Variants in TTLL11 observed in about 807,000 individuals in gnomAD.
TTLL11 encodes tubulin polyglutamylase TTLL11.
Under a neutral mutation model 51.7 loss-of-function variants are expected in TTLL11, and 42 were observed. The ratio of observed to expected loss-of-function variants is 0.81; its 90% CI spans 0.64 to 1.05. The LOEUF is 1.05. TTLL11 is among the 50% of genes least tolerant of loss of function. The probability of loss-of-function intolerance (pLI) is 0.00; values close to 1 mark genes in which losing one functional copy is unlikely to be tolerated. For synonymous variants in TTLL11, 381 were observed against 383.5 expected (o/e 0.99, Z 0.08); for missense variants, 799 against 940.4 (o/e 0.85, Z 1.97).
At chr9:121,972,388 G>C (rs1842601229) in intron 6 of TTLL11, among the ~76,000 whole-genome samples, 1 of 152,248 alleles carries the variant, frequency 6.6e-6, no homozygotes, top group African/African-American at 2.4e-5. Flanking sequence ...GGCAGCTGCA[G>C]ACACATACGT....
At chr9:121,839,175 T>A (rs1470792922) in intron 8 of TTLL11, among the ~76,000 whole-genome samples, 1 of 152,216 alleles carries the variant, frequency 6.6e-6, no homozygotes, top group Non-Finnish European at 1.5e-5. Context: ...ACAGAACGCA[T>A]CACAACGTCT....
chr9:121,927,910 G>A (rs1422632369), intron 6 of TTLL11, among the ~76,000 whole-genome samples: 3 of 152,148 alleles, frequency 2.0e-5, no homozygotes, highest in Non-Finnish European at 4.4e-5. Context: ...ATGTTATTTG[G>A]TTTGGATCTT....
At chr9:122,007,642 C>T (rs1037300928) in intron 3 of TTLL11, among the ~76,000 whole-genome samples, 16 of 152,024 alleles carry the variant, frequency 1.1e-4, no homozygotes, top group African/African-American at 3.9e-4. Flanking sequence ...TGCACACATA[C>T]ATAGATAGTT....
chr9:121,992,444 T>C (rs978022081), intron 3 of TTLL11, among the ~76,000 whole-genome samples: 1 of 152,244 alleles, frequency 6.6e-6, no homozygotes, highest in Non-Finnish European at 1.5e-5. Flanking sequence ...TCAGCAATTC[T>C]GATTTAATCG....
chr9:121,855,511 C>T (rs1203938448), intron 8 of TTLL11, among the ~76,000 whole-genome samples: 1 of 152,078 alleles, frequency 6.6e-6, no homozygotes, highest in Non-Finnish European at 1.5e-5. Context: ...TCTGGTTAAC[C>T]CCTTCAGTGG....
chr9:121,921,215 T>C (rs1840530314), intron 6 of TTLL11, among the ~76,000 whole-genome samples: 1 of 152,216 alleles, frequency 6.6e-6, no homozygotes, highest in South Asian at 2.1e-4. Flanking sequence ...TTGAGTCTAA[T>C]TCACTGGTTT....
chr9:121,974,171 T>C, intron 5 of TTLL11, 47 bp from the exon 6 acceptor site: 1 of 1,437,600 alleles, frequency 7.0e-7, no homozygotes, highest in Non-Finnish European at 9.5e-7. Flanking sequence ...CGTGATTCCG[T>C]GCCAAGTGGC....
intron 6 of TTLL11, among the ~76,000 whole-genome samples, chr9:121,893,610 C>T (rs778080989): frequency 3.3e-4 from 50 of 152,170 alleles, no homozygotes; most frequent in Non-Finnish European, 6.0e-4. Flanking sequence ...TGCGATGTTC[C>T]TTCCCACTTA....
Position 121,893,982 on chromosome 9 carries a change from C to T in TTLL11, c.1482-23234G>A, listed in dbSNP as rs533866329. On this transcript the variant is annotated intron_variant, in intron 6 of 8. Transcript: ENST00000321582. ...AAAGCTCTAAGGGGCTGGGCCACCA[C>T]GAGCCACACCTGTGGGGAGGAAGTA... Among the ~76,000 whole-genome samples the T allele has an allele frequency of 6.3e-4, 95 of 151,916 alleles. No individual in the cohort carries two copies. The Middle Eastern group carries it at 0.01, about 16-fold the overall frequency.
intron 6 of TTLL11, among the ~76,000 whole-genome samples, chr9:121,936,857 A>C (rs35167616): frequency 6.6e-6 from 1 of 152,148 alleles, no homozygotes; most frequent in African/African-American, 2.4e-5. Context: ...GTGGGCTTTT[A>C]AAACATAACA....
intron 1 of TTLL11, among the ~76,000 whole-genome samples, chr9:122,040,652 A>G (rs1844823921): frequency 6.6e-6 from 1 of 151,888 alleles, no homozygotes; most frequent in South Asian, 2.1e-4. Flanking sequence ...CCAAGGTCCA[A>G]TGGAAGAACA....
In TTLL11 at chr9:121,819,897, T is replaced by G. The variant is rs1239301943; in HGVS notation, c.*2690A>C. Among the ~76,000 whole-genome samples, 1 of 152,248 alleles carries G rather than the reference T, an allele frequency of 6.6e-6. No homozygotes were observed. The highest frequency in any genetic ancestry group is 1.5e-5 in the Non-Finnish European group (1 of 68,048). On this transcript the variant is annotated 3_prime_UTR_variant, in exon 9 of 9. Transcript: ENST00000321582. ...GGAGGCGGGGTGATTCAGTTATCAC[T>G]CATTCTGACAATGGAGCAGCCTCGA...
chr9:121,893,546 G>A (rs1839340205), intron 6 of TTLL11, among the ~76,000 whole-genome samples: 1 of 152,170 alleles, frequency 6.6e-6, no homozygotes, highest in Non-Finnish European at 1.5e-5. Context: ...TCTATGGCGG[G>A]AGAGGGACTC....
chr9:121,939,976 T>A (rs1299094688), intron 6 of TTLL11, among the ~76,000 whole-genome samples: 1 of 151,838 alleles, frequency 6.6e-6, no homozygotes, highest in Non-Finnish European at 1.5e-5. Context: ...GGTGAGTGAA[T>A]CTCTTGTACT....
rs148428152 is a variant in TTLL11, at chr9:122,064,762, T to C, written c.463-25394A>G. ...GAATGCTTTCCTGAAAGCTGAAGAG[T>C]AAGAAGACAAAGGAGGAGGGAAGAG... On this transcript the variant is annotated intron_variant, in intron 1 of 8. Transcript: ENST00000321582. 2.6e-3 allele frequency among the ~76,000 whole-genome samples: 388 copies of C among 152,016 alleles called. 2 individuals are homozygous for C. Among genetic ancestry groups the C allele is most frequent in the African/African-American group, 8.8e-3 (364 of 41,476 alleles).
chr9:121,933,887 T>C (rs1390741231), intron 6 of TTLL11, among the ~76,000 whole-genome samples: 4 of 152,172 alleles, frequency 2.6e-5, no homozygotes, highest in Non-Finnish European at 4.4e-5. Flanking sequence ...AGTTGCAATA[T>C]GGAAGCTGAA....
At chr9:122,086,870 C>A (rs993184812) in intron 1 of TTLL11, among the ~76,000 whole-genome samples, 2 of 152,224 alleles carry the variant, frequency 1.3e-5, no homozygotes, top group African/African-American at 4.8e-5. Flanking sequence ...AAAAAGGCTA[C>A]TGTTTGAACC....
At chr9:121,826,533 G>A (rs1207077489) in intron 8 of TTLL11, among the ~76,000 whole-genome samples, 6 of 51,172 alleles carry the variant, frequency 1.2e-4, no homozygotes, top group African/African-American at 2.1e-4. Context: ...ATATATGTGT[G>A]TGTGTATATA....
intron 6 of TTLL11, among the ~76,000 whole-genome samples, chr9:121,937,262 A>G (rs1166660232): frequency 2.6e-5 from 4 of 152,218 alleles, no homozygotes; most frequent in Non-Finnish European, 5.9e-5. Flanking sequence ...TTTGTGCCAG[A>G]TACTGTGCTG....
Sources: allele counts gnomAD v4.1 joint callset (sites outside exome capture counted in the v4.1 genomes callset), GRCh38; gene constraint gnomAD v4.1.1; transcripts MANE v1.5; gene names NCBI Gene and HGNC (gene_info 2026-07-23, HGNC 2026-07-21).